Variants in AFDN observed in about 807,000 individuals in gnomAD.
AFDN encodes the protein afadin, adherens junction formation factor.
Under a neutral mutation model 216.6 loss-of-function variants are expected in AFDN, and 68 were observed. The ratio of observed to expected loss-of-function variants is 0.31; its 90% CI spans 0.26 to 0.38. The LOEUF (loss-of-function observed/expected upper bound fraction) is 0.38, where lower values mean the gene tolerates loss of function less well. Ranked by LOEUF, AFDN falls within the 10% of genes least tolerant of loss-of-function variation. The probability of loss-of-function intolerance (pLI) is 1.00; values close to 1 mark genes in which losing one functional copy is unlikely to be tolerated. For synonymous variants in AFDN, 868 were observed against 853.7 expected (o/e 1.02, Z -0.29); for missense variants, 2,136 against 2,342.0 (o/e 0.91, Z 1.82).
intron 12 of AFDN, among the ~76,000 whole-genome samples, chr6:167,906,490 T>A (rs1432701724): frequency 1.3e-5 from 2 of 152,202 alleles, no homozygotes; most frequent in East Asian, 3.9e-4. Flanking sequence ...AATAAGAAAT[T>A]TTACATGAAA....
At position 167,863,082 on chromosome 6, in the gene AFDN, G is replaced by A. The variant is rs549702421; in HGVS notation, c.106-1469G>A. ...TGGTTGTTAACCCTGTTCTAATACA[G>A]GTTAAGTGTCTCTAACTTGAAAACC... On this transcript the variant is annotated intron_variant, in intron 1 of 33. Coordinates refer to ENST00000683244, the MANE Select transcript of AFDN (RefSeq NM_001386888.1). Among the ~76,000 whole-genome samples the A allele has an allele frequency of 8.5e-5, 13 of 152,238 alleles. No homozygotes were observed. In the South Asian group the frequency reaches 2.7e-3, roughly 32 times the overall value.
intron 23 of AFDN, among the ~76,000 whole-genome samples, chr6:167,927,366 G>A (rs1792691696): frequency 6.6e-6 from 1 of 152,152 alleles, no homozygotes; most frequent in African/African-American, 2.4e-5. Context: ...AGACCTGTGC[G>A]ATTACTAAGG....
intron 1 of AFDN, among the ~76,000 whole-genome samples, chr6:167,845,841 G>C (rs564327446): frequency 6.6e-6 from 1 of 152,252 alleles, no homozygotes; most frequent in South Asian, 2.1e-4. Context: ...ATTTATAAAG[G>C]AAAGAAGTTT....
chr6:167,879,756 T>C (rs1000217515), intron 5 of AFDN, among the ~76,000 whole-genome samples: 3 of 152,178 alleles, frequency 2.0e-5, no homozygotes, highest in African/African-American at 7.2e-5. Flanking sequence ...ATAAAGGACA[T>C]TGTAGTTTGT....
At chr6:167,892,353 T>C (rs1787720317) in intron 8 of AFDN, among the ~76,000 whole-genome samples, 1 of 152,222 alleles carries the variant, frequency 6.6e-6, no homozygotes, top group Non-Finnish European at 1.5e-5. Context: ...CATTGATGTT[T>C]GGTTGTCTGA....
chr6:167,889,530 TTCAAGCGATTC>T (rs1787300190), intron 7 of AFDN, among the ~76,000 whole-genome samples: 1 of 152,196 alleles, frequency 6.6e-6, no homozygotes, highest in African/African-American at 2.4e-5. Flanking sequence ...ACCTCCCGGT[TTCAAGCGATTC>T]TCCTGCCTCA....
chr6:167,887,431 T>C (rs1786988829), intron 6 of AFDN, among the ~76,000 whole-genome samples: 1 of 151,774 alleles, frequency 6.6e-6, no homozygotes, highest in Admixed American at 6.6e-5. Flanking sequence ...ATTCTTTATC[T>C]TCTCAGCTTG....
intron 15 of AFDN, 44 bp downstream of exon 15, chr6:167,911,533 T>A: frequency 1.3e-6 from 2 of 1,569,306 alleles, no homozygotes; most frequent in Non-Finnish European, 1.8e-6. Context: ...TGATTGTGGT[T>A]GTAATTGCTA....
At chr6:167,888,896 A>G (rs1787206208) in intron 6 of AFDN, among the ~76,000 whole-genome samples, 1 of 152,194 alleles carries the variant, frequency 6.6e-6, no homozygotes. Flanking sequence ...ATAGTGAAGA[A>G]ATTACACAGA....
chr6:167,951,749 T>C lies in AFDN; in HGVS notation c.4395T>C (p.Thr1465=), dbSNP rs1396536180. ...SLNPAPFSPL[T]AQQMKPEKPS... ...ACCCTGCTCCGTTTTCTCCCCTGAC[T>C]GCACAGCAGATGAAGCCCGAAAAGC... is the stretch of plus-strand genomic sequence containing the variant. The change falls in exon 30 of 34, where the codon ACT becomes ACC. Residue 1465 remains threonine (T), a synonymous_variant. Transcript: ENST00000683244. This position sits in a 1 kb window ranked among gnomAD's most constrained non-coding sequence, Gnocchi z 7.1. 6.2e-7 allele frequency: 1 copy of C among 1,614,124 alleles called. No individual in the cohort carries two copies. Among genetic ancestry groups the C allele is most frequent in the South Asian group, 1.1e-5 (1 of 91,078 alleles).
At chr6:167,860,894 AT>A (rs1430631868) in intron 1 of AFDN, among the ~76,000 whole-genome samples, 1 of 152,184 alleles carries the variant, frequency 6.6e-6, no homozygotes, top group Non-Finnish European at 1.5e-5. Flanking sequence ...CCATTCATTC[AT>A]TTGTTTCTTC....
chr6:167,954,766 C>A (rs1465044124), intron 30 of AFDN, among the ~76,000 whole-genome samples: 1 of 152,110 alleles, frequency 6.6e-6, no homozygotes, highest in Non-Finnish European at 1.5e-5. Context: ...TGTATTCTTA[C>A]GTAGTCATAA....
chr6:167,948,038 G>A (rs1795531997), intron 28 of AFDN, 94 bp downstream of exon 28: 1 of 947,322 alleles, frequency 1.1e-6, no homozygotes, highest in East Asian at 2.5e-5. Context: ...TTTTTACTCT[G>A]AATTAGCATT....
chr6:167,845,612 G>A (rs1781579401), intron 1 of AFDN, among the ~76,000 whole-genome samples: 1 of 152,156 alleles, frequency 6.6e-6, no homozygotes, highest in African/African-American at 2.4e-5. Context: ...CTGACCTCAG[G>A]TGATCCGTCT....
intron 27 of AFDN, 83 bp from the exon 28 acceptor site, chr6:167,947,763 AGATGAAT>A (rs1486095335): frequency 1.3e-6 from 1 of 759,284 alleles, no homozygotes; most frequent in Non-Finnish European, 2.2e-6. Flanking sequence ...AGCAGTATGA[AGATGAAT>A]GAGGTCTTTA....
intron 30 of AFDN, among the ~76,000 whole-genome samples, chr6:167,961,295 T>TGTGG (rs1313544830): frequency 1.3e-5 from 2 of 152,212 alleles, no homozygotes; most frequent in Non-Finnish European, 2.9e-5. Flanking sequence ...ATAATACAGC[T>TGTGG]GTGGGTGTTC....
chr6:167,880,740 TAAAG>T (rs1786008395), intron 6 of AFDN, among the ~76,000 whole-genome samples: 1 of 152,102 alleles, frequency 6.6e-6, no homozygotes, highest in Non-Finnish European at 1.5e-5. Flanking sequence ...AAAGGCAAAT[TAAAG>T]AAAATGAAAA....
chr6:167,859,743 C>CT (rs1005939572), intron 1 of AFDN, among the ~76,000 whole-genome samples: 53 of 149,318 alleles, frequency 3.5e-4, no homozygotes, highest in African/African-American at 1.2e-3. Context: ...TATATTGACT[C>CT]TAATAATTTC....
At position 167,943,209 on chromosome 6, in the gene AFDN, G is replaced by C. The variant is rs779920773; in HGVS notation, c.3165+15G>C. Reference sequence around the variant, plus strand: ...CTGCAGATGTGGTCAGTATCATTTTGAAAGAAGTACATTTTCAGTGTGTCA... The same window carrying C: ...CTGCAGATGTGGTCAGTATCATTTTCAAAGAAGTACATTTTCAGTGTGTCA... On this transcript the variant is annotated intron_variant, in intron 24 of 33. Transcript: ENST00000683244. 1.8e-5 allele frequency: 29 copies of C among 1,606,510 alleles called. No homozygotes were observed. The highest frequency in any genetic ancestry group is 2.4e-5 in the Non-Finnish European group (28 of 1,174,656).
Sources: allele counts gnomAD v4.1 joint callset (sites outside exome capture counted in the v4.1 genomes callset), GRCh38; gene constraint gnomAD v4.1.1; non-coding constraint Gnocchi (gnomAD v3.1); transcripts MANE v1.5; gene names NCBI Gene and HGNC (gene_info 2026-07-23, HGNC 2026-07-21).